The following STYX variants were observed in gnomAD, a reference collection of about 807,000 sequenced individuals.
STYX encodes the protein serine/threonine/tyrosine-interacting protein.
In STYX, 20 loss-of-function variants were observed where a neutral mutation model predicts 42.7. The ratio of observed to expected loss-of-function variants is 0.47; its 90% CI spans 0.33 to 0.68. The LOEUF is 0.68. Ranked by LOEUF, STYX falls within the 30% of genes least tolerant of loss-of-function variation. The pLI, the probability that STYX is intolerant of heterozygous loss-of-function variation, is 0.02. For synonymous variants in STYX, 78 were observed against 81.9 expected, an observed-to-expected ratio of 0.95 and a Z score of 0.26; for missense variants, 226 against 268.5, an observed-to-expected ratio of 0.84 and a Z score of 1.11.
At position 52,767,069 on chromosome 14, in the gene STYX, T is replaced by C. The variant is rs144346672; in HGVS notation, c.505-1771T>C. On this transcript the variant is annotated intron_variant, in intron 9 of 10. Transcript: ENST00000354586. The stretch of plus-strand genomic sequence containing the variant: ...AATGAATCCAAGAAAAATAAGGCCA[T>C]GTAAGGAAGGTGGGACGAGAATTGT... Among the ~76,000 whole-genome samples the C allele has an allele frequency of 5.5e-3, 835 of 152,236 alleles. 8 individuals are homozygous for C. Among genetic ancestry groups the C allele is most frequent in the African/African-American group, 0.019 (800 of 41,544 alleles).
intron 1 of STYX, among the ~76,000 whole-genome samples, chr14:52,744,386 C>T (rs186742447): frequency 6.6e-6 from 1 of 152,286 alleles, no homozygotes; most frequent in Admixed American, 6.5e-5. Flanking sequence ...ATGGCAAGTA[C>T]GTATGACATA....
intron 1 of STYX, among the ~76,000 whole-genome samples, chr14:52,736,440 A>G (rs1193439844): frequency 6.6e-6 from 1 of 152,206 alleles, no homozygotes; most frequent in Non-Finnish European, 1.5e-5. Flanking sequence ...GATAGTACCA[A>G]TTTTTAAGCA....
At chr14:52,740,315 A>G (rs1881136704) in intron 1 of STYX, among the ~76,000 whole-genome samples, 1 of 152,196 alleles carries the variant, frequency 6.6e-6, no homozygotes, top group Admixed American at 6.5e-5. Flanking sequence ...AAACAATTAC[A>G]TTTCCCTCAT....
chr14:52,771,070 T>C lies in STYX; in HGVS notation c.636T>C (p.Phe212=). ...GAACACATGAAGAAGAGGATGATTT[T>C]GGAACCATGCAAGTGGCGACTGCAC... The part of the protein sequence containing the change: ...LKRTHEEEDD[F]GTMQVATAQN... The change falls in exon 11 of 11, where the codon TTT becomes TTC. Residue 212 remains phenylalanine, a synonymous_variant. Transcript: ENST00000354586. 5 of 1,613,094 alleles carry C rather than the reference T, an allele frequency of 3.1e-6. No individual in the cohort carries two copies. The highest frequency in any genetic ancestry group is 4.2e-6 in the Non-Finnish European group (5 of 1,179,276).
intron 9 of STYX, among the ~76,000 whole-genome samples, chr14:52,766,470 GT>G (rs1175400635): frequency 1.3e-5 from 2 of 151,988 alleles, no homozygotes; most frequent in Admixed American, 1.3e-4. Flanking sequence ...ACCTGGCTTA[GT>G]TTTTTAAATT....
Position 52,771,884 on chromosome 14 carries a change from T to C in STYX, c.*778T>C, listed in dbSNP as rs915165440. The C allele has an allele frequency of 6.6e-6, 1 of 152,528 alleles. No individual in the cohort carries two copies. Among genetic ancestry groups the C allele is most frequent in the African/African-American group, 2.4e-5 (1 of 41,458 alleles). 9.4% of individuals were successfully genotyped at this position (152,528 alleles called of 1,614,324 possible). A position where few individuals can be genotyped will look rare whatever the true frequency, so the allele number is the denominator to read the frequency against. On this transcript the variant is annotated 3_prime_UTR_variant, in exon 11 of 11. Coordinates refer to ENST00000354586, the MANE Select transcript of STYX (RefSeq NM_145251.4). Reference sequence around the variant, plus strand: ...ACAAGGATAGTGTTAGATTTTCGAGTGACTTTCCTTTTTGCATTTTTTGGC... The same window carrying C: ...ACAAGGATAGTGTTAGATTTTCGAGCGACTTTCCTTTTTGCATTTTTTGGC...
chr14:52,743,574 C>T (rs1196231163), intron 1 of STYX, among the ~76,000 whole-genome samples: 7 of 151,596 alleles, frequency 4.6e-5, no homozygotes, highest in African/African-American at 1.2e-4. Flanking sequence ...GTGTAAGACT[C>T]GGTCTCAAAA....
At chr14:52,741,199 GAT>G (rs995061583) in intron 1 of STYX, among the ~76,000 whole-genome samples, 2 of 147,606 alleles carry the variant, frequency 1.4e-5, no homozygotes, top group African/African-American at 2.5e-5. Context: ...TCTTTGTGTG[GAT>G]ATATGTTTTT....
chr14:52,732,106 T>G (rs1413184686), intron 1 of STYX, among the ~76,000 whole-genome samples: 17 of 149,766 alleles, frequency 1.1e-4, no homozygotes, highest in African/African-American at 3.9e-4. Flanking sequence ...TTTTTTTTTT[T>G]TTTTTTTGAC....
chr14:52,768,000 T>G (rs1012482134), intron 9 of STYX, among the ~76,000 whole-genome samples: 2 of 152,202 alleles, frequency 1.3e-5, no homozygotes, highest in Middle Eastern at 3.4e-3. Context: ...CAGGTGTAGG[T>G]GTTCACATTT....
chr14:52,772,736 A>T lies in STYX; in HGVS notation c.*1630A>T, dbSNP rs577695299. On this transcript the variant is annotated 3_prime_UTR_variant, in exon 11 of 11. Transcript: ENST00000354586. ...TACCCAGCATAGTGGGAGAGTGGAG[A>T]TTAATTAAAATTGTTAATTAAGAGT... 6.6e-6 allele frequency: 1 copy of T among 152,664 alleles called. No individual in the cohort carries two copies. Among genetic ancestry groups the T allele is most frequent in the East Asian group, 1.9e-4 (1 of 5,194 alleles). 9.5% of individuals were successfully genotyped at this position (152,664 alleles called of 1,614,324 possible).
chr14:52,745,262 A>G lies in STYX; in HGVS notation c.90+378A>G, dbSNP rs1594869173. Among the ~76,000 whole-genome samples, 6 of 152,196 alleles carry G rather than the reference A, an allele frequency of 3.9e-5. No individual in the cohort carries two copies. In the South Asian group the frequency reaches 1.2e-3, roughly 32 times the overall value. On this transcript the variant is annotated intron_variant, in intron 2 of 10. Transcript: ENST00000354586. ...CAGCCTCCCGAGTAGCTGGGATTAC[A>G]GGCATGCGCCACCACACCCAGCTAA... is the stretch of plus-strand genomic sequence containing the variant.
chr14:52,767,793 A>T (rs1882365868), intron 9 of STYX, among the ~76,000 whole-genome samples: 1 of 152,182 alleles, frequency 6.6e-6, no homozygotes, highest in Non-Finnish European at 1.5e-5. Flanking sequence ...ATGCCAATGA[A>T]ATCAAAATCT....
At chr14:52,762,062 T>C (rs1882116488) in intron 9 of STYX, among the ~76,000 whole-genome samples, 1 of 148,618 alleles carries the variant, frequency 6.7e-6, no homozygotes, top group Non-Finnish European at 1.5e-5. Context: ...AAAAAAAAAA[T>C]AGAGATAGGG....
At position 52,764,666 on chromosome 14, in the gene STYX, C is replaced by CTTTT. The variant is rs58502916; in HGVS notation, c.505-4157_505-4154dup. On this transcript the variant is annotated intron_variant, in intron 9 of 10. Coordinates refer to ENST00000354586, the MANE Select transcript of STYX (RefSeq NM_145251.4). ...TTAAGGTTTTATTTATTTACTTTTC[C>CTTTT]TTTTTTTTTTTTTTTTTTTTGAGTT... 7.6e-4 allele frequency among the ~76,000 whole-genome samples: 75 copies of CTTTT among 98,972 alleles called. 1 individual carries two copies. Among genetic ancestry groups the CTTTT allele is most frequent in the East Asian group, 1.5e-3 (5 of 3,334 alleles). 64.9% of individuals were successfully genotyped at this position (98,972 alleles called of 152,430 possible).
intron 1 of STYX, among the ~76,000 whole-genome samples, chr14:52,733,900 T>TC (rs923523654): frequency 1.2e-4 from 18 of 152,048 alleles, no homozygotes; most frequent in Admixed American, 2.6e-4. Flanking sequence ...CTAGCAGCAC[T>TC]CCCCCCCGAC....
At chr14:52,741,898 A>G (rs1355389660) in intron 1 of STYX, among the ~76,000 whole-genome samples, 1 of 151,630 alleles carries the variant, frequency 6.6e-6, no homozygotes, top group Non-Finnish European at 1.5e-5. Flanking sequence ...TGTAAGTGTA[A>G]CTCAGTTGTT....
chr14:52,754,470 C>G (rs1402020737), intron 4 of STYX, among the ~76,000 whole-genome samples: 1 of 151,764 alleles, frequency 6.6e-6, no homozygotes, highest in African/African-American at 2.4e-5. Context: ...ACCTCAGCCT[C>G]CCAAAGTGCT....
Position 52,730,446 on chromosome 14 carries a change from C to T in STYX, c.-29C>T, listed in dbSNP as rs765781652. The T allele has an allele frequency of 3.7e-6, 6 of 1,611,660 alleles. No homozygotes were observed. The highest frequency in any genetic ancestry group is 3.4e-6 in the Non-Finnish European group (4 of 1,179,062). On this transcript the variant is annotated 5_prime_UTR_variant, in exon 1 of 11. Transcript: ENST00000354586. The stretch of plus-strand genomic sequence containing the variant: ...CGGCCGGCTGTGTAACACTCTCCCA[C>T]CCCACCCACCAGCCCGCGGGCCAGC...
Sources: allele counts gnomAD v4.1 joint callset (sites outside exome capture counted in the v4.1 genomes callset), GRCh38; gene constraint gnomAD v4.1.1; transcripts MANE v1.5; gene names NCBI Gene and HGNC (gene_info 2026-07-23, HGNC 2026-07-21).